Variants in TMEM132B observed in about 807,000 individuals in gnomAD.
TMEM132B encodes the protein transmembrane protein 132B.
TMEM132B carries 18 observed loss-of-function variants against 90.8 expected under a neutral mutation model. The observed-to-expected ratio is 0.20, with a 90% CI of 0.14 to 0.29. The LOEUF (loss-of-function observed/expected upper bound fraction) is 0.29. Ranked by LOEUF, TMEM132B falls within the 10% of genes least tolerant of loss-of-function variation. The pLI is 1.00. For synonymous variants in TMEM132B, 504 were observed against 523.3 expected (o/e 0.96, Z 0.50); for missense variants, 1,096 against 1,326.8 (o/e 0.83, Z 2.70).
At chr12:125,370,449 C>G (rs144018600) in intron 2 of TMEM132B, among the ~76,000 whole-genome samples, 13 of 152,322 alleles carry the variant, frequency 8.5e-5, no homozygotes, top group African/African-American at 2.6e-4. Flanking sequence ...CAACCAACAT[C>G]TTTTGACTGT....
intron 4 of TMEM132B, among the ~76,000 whole-genome samples, chr12:125,583,086 T>G (rs1470347186): frequency 6.6e-6 from 1 of 152,298 alleles, no homozygotes; most frequent in East Asian, 1.9e-4. Flanking sequence ...GTAAAGAGAA[T>G]GAACACAGGG....
At chr12:125,320,817 C>G (rs1490465959) in intron 1 of TMEM132B, among the ~76,000 whole-genome samples, 2 of 152,300 alleles carry the variant, frequency 1.3e-5, no homozygotes, top group African/African-American at 4.8e-5. Flanking sequence ...AACACATCTT[C>G]CAGAAGGAGC....
intron 1 of TMEM132B, among the ~76,000 whole-genome samples, chr12:125,227,899 C>A (rs909396960): frequency 6.6e-6 from 1 of 152,158 alleles, no homozygotes; most frequent in Non-Finnish European, 1.5e-5. Flanking sequence ...CCAGTGTTGC[C>A]CAGTGTTGCT....
intron 4 of TMEM132B, among the ~76,000 whole-genome samples, chr12:125,539,288 T>C (rs904833805): frequency 2.0e-5 from 3 of 152,196 alleles, no homozygotes; most frequent in African/African-American, 7.2e-5. Context: ...CCTCCTTTCT[T>C]TTCTGGAATG....
intron 2 of TMEM132B, among the ~76,000 whole-genome samples, chr12:125,409,668 T>A (rs866743892): frequency 2.4e-4 from 8 of 32,926 alleles, no homozygotes; most frequent in Admixed American, 7.7e-4. Flanking sequence ...GTGGAGTGAG[T>A]GGAGTGGAGT....
intron 1 of TMEM132B, among the ~76,000 whole-genome samples, chr12:125,315,360 G>A (rs987549619): frequency 2.0e-5 from 3 of 152,158 alleles, no homozygotes; most frequent in Admixed American, 6.5e-5. Flanking sequence ...CACCACGTCT[G>A]GCTGATTTTT....
chr12:125,380,098 T>C (rs1284911921), intron 2 of TMEM132B, among the ~76,000 whole-genome samples: 1 of 152,186 alleles, frequency 6.6e-6, no homozygotes, highest in Non-Finnish European at 1.5e-5. Flanking sequence ...CTTAAAATCA[T>C]AGGGCTTTGT....
intron 2 of TMEM132B, among the ~76,000 whole-genome samples, chr12:125,364,274 A>G (rs1271982598): frequency 2.6e-5 from 4 of 152,168 alleles, no homozygotes; most frequent in African/African-American, 7.2e-5. Context: ...ACTCTTTTAC[A>G]TATTGGAAAT....
At chr12:125,438,636 G>T (rs527464460) in intron 3 of TMEM132B, among the ~76,000 whole-genome samples, 2 of 149,994 alleles carry the variant, frequency 1.3e-5, no homozygotes, top group Admixed American at 1.3e-4. Flanking sequence ...AAGAAAGCAA[G>T]AAACAAAACT....
At chr12:125,316,225 A>G (rs968170287) in intron 1 of TMEM132B, among the ~76,000 whole-genome samples, 1 of 152,190 alleles carries the variant, frequency 6.6e-6, no homozygotes, top group Admixed American at 6.5e-5. Flanking sequence ...CACAGGATAA[A>G]TCTAATTCCT....
intron 5 of TMEM132B, among the ~76,000 whole-genome samples, chr12:125,595,199 G>T (rs973311966): frequency 6.6e-6 from 1 of 152,184 alleles, no homozygotes; most frequent in Admixed American, 6.5e-5. Flanking sequence ...GCAGCTCCAT[G>T]AAGGGGGAGG....
intron 4 of TMEM132B, among the ~76,000 whole-genome samples, chr12:125,539,422 A>G (rs1883897699): frequency 6.6e-6 from 1 of 152,118 alleles, no homozygotes; most frequent in Admixed American, 6.5e-5. Flanking sequence ...GTTCCCCTCG[A>G]TGAGGTAATG....
At position 125,654,199 on chromosome 12, in the gene TMEM132B, G is replaced by T. The variant is rs755740644; in HGVS notation, c.2741G>T (p.Cys914Phe). The T allele has an allele frequency of 1.2e-6, 2 of 1,614,112 alleles. No individual in the cohort carries two copies. Among genetic ancestry groups the T allele is most frequent in the Non-Finnish European group, 1.7e-6 (2 of 1,180,050 alleles). The change falls in exon 9 of 9, where the codon TGT becomes TTT. Residue 914 changes from cysteine (C) to phenylalanine (F), a missense_variant. Transcript: ENST00000682704. The surrounding 1 kb of genome is among the most constrained non-coding windows in gnomAD (Gnocchi z 5.8). ...ATGTATGCCTTGCTCTGCGTCTTCT[G>T]TCTGGCCATTCTGGTCTTCTTGATC... The part of the protein sequence containing the change: ...IGMYALLCVF[C>F]LAILVFLINC...
In TMEM132B at chr12:125,515,653, C is replaced by A. The variant is rs543016604; in HGVS notation, c.1107-3786C>A. Among the ~76,000 whole-genome samples the A allele has an allele frequency of 2.0e-5, 3 of 150,842 alleles. No homozygotes were observed. The South Asian group carries it at 6.3e-4, about 32-fold the overall frequency. ...TCACACACATTGACACATTCACACCCCCTTCACACATTCTTTCTCACACTC... is the reference window on the plus strand; with the variant it reads ...TCACACACATTGACACATTCACACCACCTTCACACATTCTTTCTCACACTC... On this transcript the variant is annotated intron_variant, in intron 3 of 8. Transcript: ENST00000682704.
At chr12:125,599,211 T>G (rs531320939) in intron 5 of TMEM132B, among the ~76,000 whole-genome samples, 1 of 152,306 alleles carries the variant, frequency 6.6e-6, no homozygotes, top group South Asian at 2.1e-4. Flanking sequence ...TCTGATTGTT[T>G]TATAAAGGGC....
At chr12:125,315,605 C>T (rs1258565914) in intron 1 of TMEM132B, among the ~76,000 whole-genome samples, 1 of 152,148 alleles carries the variant, frequency 6.6e-6, no homozygotes, top group African/African-American at 2.4e-5. Flanking sequence ...GCCGTGGGTA[C>T]CATGATCCTT....
chr12:125,451,059 G>A (rs917168830), intron 3 of TMEM132B, among the ~76,000 whole-genome samples: 1 of 152,118 alleles, frequency 6.6e-6, no homozygotes, highest in African/African-American at 2.4e-5. Flanking sequence ...ACAGACTGTA[G>A]AAGTGTTCCA....
At chr12:125,481,237 T>C (rs1882034764) in intron 3 of TMEM132B, among the ~76,000 whole-genome samples, 1 of 152,100 alleles carries the variant, frequency 6.6e-6, no homozygotes, top group African/African-American at 2.4e-5. Flanking sequence ...TTCAACACAG[T>C]GTTGGAAGTT....
At chr12:125,188,852 C>CAAAAAAAAAAAAA (rs72059024) in intron 1 of TMEM132B, among the ~76,000 whole-genome samples, 15 of 91,216 alleles carry the variant, frequency 1.6e-4, no homozygotes, top group African/African-American at 3.5e-4. Context: ...GGAGGGATGG[C>CAAAAAAAAAAAAA]AAAAAAAAAA....
Sources: gnomAD v4.1 joint callset for allele counts (sites outside exome capture counted in the v4.1 genomes callset) on GRCh38, gnomAD v4.1.1 for gene constraint, Gnocchi (gnomAD v3.1) non-coding constraint, MANE v1.5 for transcripts, NCBI Gene and HGNC (gene_info 2026-07-23, HGNC 2026-07-21) for gene names.